Variants in CDHR3 observed in about 807,000 individuals in gnomAD.
CDHR3 encodes the protein cadherin related family member 3.
Under a neutral mutation model 86.6 loss-of-function variants are expected in CDHR3, and 79 were observed. The ratio of observed to expected loss-of-function variants is 0.91; its 90% CI spans 0.76 to 1.10. The LOEUF is 1.10. CDHR3 is among the 50% of genes least tolerant of loss of function. The pLI is 0.00. For missense variants in CDHR3, 1,081 were observed against 1,077.6 expected, an observed-to-expected ratio of 1.00 and a Z score of -0.04; for synonymous variants, 421 against 402.4, an observed-to-expected ratio of 1.05 and a Z score of -0.55.
intron 9 of CDHR3, among the ~76,000 whole-genome samples, chr7:106,013,490 C>T (rs138007340): frequency 7.9e-5 from 12 of 152,244 alleles, no homozygotes; most frequent in Non-Finnish European, 1.3e-4. Context: ...TAGGAAGCCC[C>T]CTCCCTGGCA....
intron 12 of CDHR3, among the ~76,000 whole-genome samples, chr7:106,018,432 C>T (rs980849040): frequency 3.3e-5 from 5 of 152,108 alleles, no homozygotes; most frequent in African/African-American, 4.8e-5. Context: ...AGACGGGTTT[C>T]TCCATGTTGG....
At position 105,981,190 on chromosome 7, in the gene CDHR3, G is replaced by A. The variant is rs1367106749; in HGVS notation, c.415+57G>A. The A allele has an allele frequency of 7.8e-6, 12 of 1,536,032 alleles. No individual in the cohort carries two copies. In the East Asian group the frequency reaches 2.5e-4, roughly 32 times the overall value. On this transcript the variant is annotated intron_variant, in intron 3 of 18. Transcript: ENST00000317716. ...AGACAGTGGCATCAGGGAGGGCCCT[G>A]GGGGACAGAGAGAAACAGAAAAAGT...
intron 12 of CDHR3, among the ~76,000 whole-genome samples, chr7:106,018,591 T>G (rs1027995490): frequency 6.6e-6 from 1 of 152,164 alleles, no homozygotes; most frequent in East Asian, 1.9e-4. Flanking sequence ...CTAAAGTTGT[T>G]GGCCAGATAT....
chr7:106,013,670 C>T (rs954128723), intron 9 of CDHR3, among the ~76,000 whole-genome samples: 4 of 152,296 alleles, frequency 2.6e-5, no homozygotes, highest in Admixed American at 2.0e-4. Context: ...AAGCCAGCAA[C>T]CCGCTACCCT....
At chr7:106,015,777 C>G in intron 10 of CDHR3, 150 bp from the exon 11 acceptor site, 1 of 688,718 alleles carries the variant, frequency 1.5e-6, no homozygotes, top group East Asian at 2.7e-5. Context: ...TGAACACCCT[C>G]GGCATCTAAA....
chr7:106,031,203 C>A (rs187554831), intron 18 of CDHR3, among the ~76,000 whole-genome samples: 3 of 152,280 alleles, frequency 2.0e-5, no homozygotes, highest in African/African-American at 4.8e-5. Flanking sequence ...ACTGATTGCC[C>A]CCCCCAGCCC....
chr7:106,031,576 T>C (rs35699146), intron 18 of CDHR3, among the ~76,000 whole-genome samples: 23,505 of 152,192 alleles, frequency 0.15, 2,001 homozygotes, highest in Middle Eastern at 0.19. Context: ...CCGCCGCCGC[T>C]GCTGCTGCTG....
At chr7:106,002,515 G>A (rs1833353456) in intron 7 of CDHR3, among the ~76,000 whole-genome samples, 35 of 152,168 alleles carry the variant, frequency 2.3e-4, no homozygotes, top group Admixed American at 2.2e-3. Flanking sequence ...CTGGAATGAA[G>A]CTCTTATGAC....
chr7:106,013,321 C>T (rs913610010), intron 9 of CDHR3, among the ~76,000 whole-genome samples: 2 of 152,208 alleles, frequency 1.3e-5, no homozygotes, highest in African/African-American at 4.8e-5. Context: ...CACGTCAGTG[C>T]CCTCTGTGCT....
intron 2 of CDHR3, among the ~76,000 whole-genome samples, chr7:105,980,473 G>T (rs1829473879): frequency 6.6e-6 from 1 of 151,698 alleles, no homozygotes; most frequent in South Asian, 2.1e-4. Context: ...TGCACAACGT[G>T]CAGGTTTGTT....
intron 17 of CDHR3, among the ~76,000 whole-genome samples, chr7:106,028,994 T>TTC (rs1837912311): frequency 6.8e-6 from 1 of 147,516 alleles, no homozygotes; most frequent in East Asian, 2.0e-4. Flanking sequence ...CTTTCTTTCT[T>TTC]TTTAAGACAC....
At chr7:105,993,304 T>C (rs546950236) in intron 4 of CDHR3, among the ~76,000 whole-genome samples, 16 of 152,226 alleles carry the variant, frequency 1.1e-4, no homozygotes, top group African/African-American at 1.4e-4. Flanking sequence ...CTCAATAACA[T>C]GAAGGAGCAA....
chr7:105,992,111 C>T (rs146992963), intron 4 of CDHR3, among the ~76,000 whole-genome samples: 1 of 152,316 alleles, frequency 6.6e-6, no homozygotes, highest in East Asian at 1.9e-4. Flanking sequence ...CCTCCCCAAA[C>T]CTTTGTTCCC....
At chr7:105,995,115 A>G (rs1831988581) in intron 5 of CDHR3, among the ~76,000 whole-genome samples, 1 of 152,210 alleles carries the variant, frequency 6.6e-6, no homozygotes, top group Non-Finnish European at 1.5e-5. Context: ...GTGCAAGGTC[A>G]GACATAACCA....
At position 106,020,410 on chromosome 7, in the gene CDHR3, C is replaced by T. The variant is rs1836382716; in HGVS notation, c.1691C>T (p.Pro564Leu). 6.2e-7 allele frequency: 1 copy of T among 1,613,618 alleles called. No individual in the cohort carries two copies. The highest frequency in any genetic ancestry group is 1.3e-5 in the African/African-American group (1 of 74,908). ...VNILEENDEK[P>L]ICTPNSYFLA... ...ATCCTTGAAGAAAATGATGAAAAGCCAATTTGTACTCCAAACTCTTATTTC... is the reference window on the plus strand; with the variant it reads ...ATCCTTGAAGAAAATGATGAAAAGCTAATTTGTACTCCAAACTCTTATTTC... Residue 564 changes from proline (P) to leucine (L), a missense_variant, in exon 13 of 19, where the codon CCA (proline) becomes CTA (leucine). By Grantham distance (98) the Pro-to-Leu change is moderately conservative. Transcript: ENST00000317716.
intron 16 of CDHR3, among the ~76,000 whole-genome samples, chr7:106,028,178 A>G (rs1384240597): frequency 2.3e-5 from 3 of 130,726 alleles, no homozygotes; most frequent in Non-Finnish European, 5.0e-5. Context: ...AAAATAAAAT[A>G]AAAGGGCTTG....
At chr7:106,020,939 C>A (rs921580326) in intron 13 of CDHR3, among the ~76,000 whole-genome samples, 1 of 152,156 alleles carries the variant, frequency 6.6e-6, no homozygotes, top group African/African-American at 2.4e-5. Flanking sequence ...GTGAACCCCC[C>A]AATTCCTGAC....
chr7:106,004,391 C>G, intron 7 of CDHR3, 107 bp from the exon 8 acceptor site: 1 of 829,308 alleles, frequency 1.2e-6, no homozygotes, highest in Non-Finnish European at 1.9e-6. Flanking sequence ...TTATGCTCTG[C>G]ATAAGCTCTT....
At chr7:105,989,780 C>CT (rs980821481) in intron 4 of CDHR3, among the ~76,000 whole-genome samples, 2 of 152,144 alleles carry the variant, frequency 1.3e-5, no homozygotes, top group African/African-American at 4.8e-5. Context: ...CCCAGGTCTC[C>CT]TGACCCACCT....
Sources: allele counts gnomAD v4.1 joint callset (sites outside exome capture counted in the v4.1 genomes callset), GRCh38; gene constraint gnomAD v4.1.1; transcripts MANE v1.5; gene names NCBI Gene and HGNC (gene_info 2026-07-23, HGNC 2026-07-21).